The following SLC22A16 variants were observed in gnomAD, a reference collection of about 807,000 sequenced individuals.
SLC22A16 encodes WUGSC:RG331P03.1.
A neutral mutation model predicts 52.9 loss-of-function variants in SLC22A16; 53 were observed. That is an observed-to-expected ratio of 1.00 (90% CI 0.80 to 1.26). The LOEUF (loss-of-function observed/expected upper bound fraction) is 1.26, where lower values mean the gene tolerates loss of function less well. Ranked by LOEUF, SLC22A16 falls within the 50% of genes most tolerant of loss-of-function variation. SLC22A16 has a pLI of 0.00. For missense variants in SLC22A16, 726 were observed against 704.0 expected (o/e 1.03, Z -0.35); for synonymous variants, 291 against 268.8 (o/e 1.08, Z -0.81).
chr6:110,457,088 G>T, intron 1 of SLC22A16, 71 bp from the exon 2 acceptor site: 2 of 1,407,246 alleles, frequency 1.4e-6, no homozygotes, highest in East Asian at 2.3e-5. Context: ...AAATTTGAAG[G>T]GTCTCCATCA....
chr6:110,442,465 T>A lies in SLC22A16; in HGVS notation c.962A>T (p.Lys321Ile). The A allele has an allele frequency of 6.2e-7, 1 of 1,614,232 alleles. No individual in the cohort carries two copies. Among genetic ancestry groups the A allele is most frequent in the Non-Finnish European group, 8.5e-7 (1 of 1,180,040 alleles). The change falls in exon 4 of 8, where the codon AAA (lysine) becomes ATA (isoleucine). Residue 321 changes from lysine (K) to isoleucine (I), a missense_variant. Transcript: ENST00000368919. ...MAKWNRASSCKLSELLSLDLQ... is the reference protein window; with the variant it reads ...MAKWNRASSCILSELLSLDLQ... ...GTCCAGTGATAAAAGTTCTGACAGT[T>A]TACAGGAGCTTGCCCTGTTCCACTT... is the stretch of plus-strand genomic sequence containing the variant.
Position 110,446,905 on chromosome 6 carries a change from T to C in SLC22A16, c.619A>G (p.Thr207Ala). ...AGAAAAAAGCGAGCAGCCATGAAGG[T>C]GTAATAATCAACTGCAAACGCCGCT... ...IAAAFAVDYYTFMAARFFLAM... is the reference protein window; with the variant it reads ...IAAAFAVDYYAFMAARFFLAM... The change falls in exon 3 of 8, where the codon ACC (threonine) becomes GCC (alanine). Residue 207 changes from threonine to alanine, a missense_variant. Coordinates refer to ENST00000368919, the MANE Select transcript of SLC22A16 (RefSeq NM_033125.4). 6.2e-7 allele frequency: 1 copy of C among 1,613,810 alleles called. No homozygotes were observed. The highest frequency in any genetic ancestry group is 8.5e-7 in the Non-Finnish European group (1 of 1,179,884).
chr6:110,456,609 T>G lies in SLC22A16; in HGVS notation c.462A>C (p.Ala154=). Residue 154 remains alanine (A), a synonymous_variant, in exon 2 of 8, where the codon GCA becomes GCC. Coordinates refer to ENST00000368919, the MANE Select transcript of SLC22A16 (RefSeq NM_033125.4). Reference sequence around the variant, plus strand: ...ACATAAATAGGGGCTGGATCAGCATTGCAAGCCATTTTCGGTCACAGACCA... The same window carrying G: ...ACATAAATAGGGGCTGGATCAGCATGGCAAGCCATTTTCGGTCACAGACCA... ...WNLVCDRKWL[A]MLIQPLFMFG... is the part of the protein sequence containing the mutation. 1 of 1,614,158 alleles carries G rather than the reference T, an allele frequency of 6.2e-7. No homozygotes were observed. The highest frequency in any genetic ancestry group is 8.5e-7 in the Non-Finnish European group (1 of 1,180,022).
intron 4 of SLC22A16, among the ~76,000 whole-genome samples, chr6:110,440,487 G>T (rs1428252783): frequency 6.6e-6 from 1 of 152,170 alleles, no homozygotes; most frequent in Non-Finnish European, 1.5e-5. Context: ...TTTCAAAAAG[G>T]TCATGGACGG....
At chr6:110,443,019 T>C (rs1254161042) in intron 3 of SLC22A16, among the ~76,000 whole-genome samples, 1 of 152,230 alleles carries the variant, frequency 6.6e-6, no homozygotes, top group African/African-American at 2.4e-5. Context: ...ATGATATAAA[T>C]GTTAGACATT....
intron 7 of SLC22A16, among the ~76,000 whole-genome samples, chr6:110,426,371 A>C (rs1275772474): frequency 2.0e-5 from 3 of 152,176 alleles, no homozygotes; most frequent in African/African-American, 7.2e-5. Context: ...TAGTAAGCCT[A>C]GTCAGGCAGG....
intron 6 of SLC22A16, among the ~76,000 whole-genome samples, chr6:110,431,556 G>A (rs1022674877): frequency 3.3e-5 from 5 of 152,198 alleles, no homozygotes; most frequent in Non-Finnish European, 7.3e-5. Flanking sequence ...GGTCACAGCC[G>A]AGGAGGAATA....
intron 1 of SLC22A16, among the ~76,000 whole-genome samples, chr6:110,470,389 G>T (rs1348409470): frequency 6.6e-6 from 1 of 152,100 alleles, no homozygotes; most frequent in African/African-American, 2.4e-5. Context: ...TTTACCTGAG[G>T]CATTTGGGTT....
rs1051796598 is a variant in SLC22A16, at chr6:110,440,793, T to G, written c.1183+1451A>C. ...CTCCTTTTCCAAAAAAAAAAGTTAA[T>G]GGAAAGTGCATATTATGAAAAAACT... On this transcript the variant is annotated intron_variant, in intron 4 of 7. Coordinates refer to ENST00000368919, the MANE Select transcript of SLC22A16 (RefSeq NM_033125.4). Among the ~76,000 whole-genome samples the G allele has an allele frequency of 2.0e-5, 3 of 152,232 alleles. No homozygotes were observed. The East Asian group carries it at 5.8e-4, about 29-fold the overall frequency.
chr6:110,452,535 A>C (rs1190372144), intron 2 of SLC22A16, among the ~76,000 whole-genome samples: 6 of 152,132 alleles, frequency 3.9e-5, no homozygotes, highest in Admixed American at 3.9e-4. Context: ...AAAAGCTTTT[A>C]ACATTTCACA....
chr6:110,438,878 C>A, intron 4 of SLC22A16, 31 bp from the exon 5 acceptor site: 1 of 1,611,184 alleles, frequency 6.2e-7, no homozygotes, highest in South Asian at 1.1e-5. Context: ...CTCTATAAGT[C>A]TAGGTACCCG....
chr6:110,452,210 C>A (rs965687027), intron 2 of SLC22A16, among the ~76,000 whole-genome samples: 5 of 151,970 alleles, frequency 3.3e-5, no homozygotes, highest in African/African-American at 9.7e-5. Flanking sequence ...TTATATTTAA[C>A]CATTTATATT....
chr6:110,470,625 T>C (rs993831487), intron 1 of SLC22A16, among the ~76,000 whole-genome samples: 1 of 152,098 alleles, frequency 6.6e-6, no homozygotes, highest in Non-Finnish European at 1.5e-5. Flanking sequence ...CATCACCACA[T>C]CACCAGAACT....
intron 1 of SLC22A16, among the ~76,000 whole-genome samples, chr6:110,467,215 G>T (rs770929596): frequency 1.3e-5 from 2 of 151,658 alleles, no homozygotes; most frequent in Admixed American, 6.6e-5. Flanking sequence ...CCTAAATGCC[G>T]ATTTTCAGTC....
chr6:110,454,098 C>G lies in SLC22A16; in HGVS notation c.533+2440G>C, dbSNP rs543776604. ...CCCAAACACCTCCCACTAGGCCTCA[C>G]CTCCCAACACCGCCACACTGGGGAT... On this transcript the variant is annotated intron_variant, in intron 2 of 7. Coordinates refer to ENST00000368919, the MANE Select transcript of SLC22A16 (RefSeq NM_033125.4). 2.9e-3 allele frequency among the ~76,000 whole-genome samples: 434 copies of G among 152,262 alleles called. 1 individual carries two copies. Among genetic ancestry groups the G allele is most frequent in the South Asian group, 5.8e-3 (28 of 4,828 alleles).
At chr6:110,435,821 G>C (rs1774701882) in intron 6 of SLC22A16, 31 bp downstream of exon 6, 1 of 1,486,124 alleles carries the variant, frequency 6.7e-7, no homozygotes, top group Non-Finnish European at 9.2e-7. Context: ...AAAGATAATA[G>C]GAAAACAACC....
chr6:110,430,281 A>G (rs761590), intron 7 of SLC22A16, among the ~76,000 whole-genome samples: 138,590 of 152,080 alleles, frequency 0.91, 63,393 homozygotes, highest in East Asian at 1. Flanking sequence ...CCAAAAGTGG[A>G]AGACAGGTGT....
Position 110,435,869 on chromosome 6 carries a change from C to T in SLC22A16, c.1404G>A (p.Leu468=), listed in dbSNP as rs1351980158. 1.1e-5 allele frequency: 18 copies of T among 1,610,206 alleles called. No homozygotes were observed. Among genetic ancestry groups the T allele is most frequent in the Non-Finnish European group, 1.4e-5 (17 of 1,178,174 alleles). ...FGLIYLYTAE[L]YPTIVRSLAV... is the part of the protein sequence containing the mutation. ...ATCCTTACCTTACAATGGTTGGATA[C>T]AGCTCAGCTGTATAAAGATAAATGA... Residue 468 remains leucine (L), a synonymous_variant, in exon 6 of 8, where the codon CTG becomes CTA. Coordinates refer to ENST00000368919, the MANE Select transcript of SLC22A16 (RefSeq NM_033125.4).
At chr6:110,461,651 C>A (rs1489143721) in intron 1 of SLC22A16, among the ~76,000 whole-genome samples, 1 of 152,142 alleles carries the variant, frequency 6.6e-6, no homozygotes, top group Non-Finnish European at 1.5e-5. Flanking sequence ...TGTGTCAGCT[C>A]ATACACCCTA....
Sources: allele counts gnomAD v4.1 joint callset (sites outside exome capture counted in the v4.1 genomes callset), GRCh38; gene constraint gnomAD v4.1.1; transcripts MANE v1.5; gene names NCBI Gene and HGNC (gene_info 2026-07-23, HGNC 2026-07-21).